The following RPRD2 variants were observed in gnomAD, a reference collection of about 807,000 sequenced individuals.
RPRD2 encodes regulation of nuclear pre-mRNA domain containing 2, also known as regulation of nuclear pre-mRNA domain-containing protein 2.
RPRD2 carries 12 observed loss-of-function variants against 104.4 expected under a neutral mutation model. The ratio of observed to expected loss-of-function variants is 0.11; its 90% CI spans 0.07 to 0.19. The LOEUF is 0.19. RPRD2 is among the 10% of genes least tolerant of loss of function. The pLI, the probability that RPRD2 is intolerant of heterozygous loss-of-function variation, is 1.00. For missense variants in RPRD2, 1,543 were observed against 1,790.1 expected, an observed-to-expected ratio of 0.86 and a Z score of 2.49; for synonymous variants, 714 against 684.9, an observed-to-expected ratio of 1.04 and a Z score of -0.66.
chr1:150,453,026 T>C (rs1387212613), intron 7 of RPRD2, among the ~76,000 whole-genome samples: 7 of 136,986 alleles, frequency 5.1e-5, no homozygotes, highest in Admixed American at 4.5e-4. Flanking sequence ...TTGTCTTCAA[T>C]ATATTTACTT....
chr1:150,389,006 C>T (rs1320539595), intron 1 of RPRD2, among the ~76,000 whole-genome samples: 1 of 151,902 alleles, frequency 6.6e-6, no homozygotes, highest in African/African-American at 2.4e-5. Flanking sequence ...TCTCTTTAGG[C>T]TCCTCTAGAT....
intron 1 of RPRD2, among the ~76,000 whole-genome samples, chr1:150,371,612 G>A (rs587726019): frequency 2.1e-4 from 32 of 152,176 alleles, no homozygotes; most frequent in Admixed American, 4.6e-4. Flanking sequence ...CTTGTGATCC[G>A]CCCGTCTTGG....
chr1:150,423,691 A>G (rs1296068106), intron 2 of RPRD2, among the ~76,000 whole-genome samples: 1 of 152,174 alleles, frequency 6.6e-6, no homozygotes, highest in African/African-American at 2.4e-5. Context: ...TTGAGCACCA[A>G]CATGATGCAC....
chr1:150,415,239 G>A (rs11588184), intron 1 of RPRD2, among the ~76,000 whole-genome samples: 33,631 of 151,882 alleles, frequency 0.22, 4,221 homozygotes, highest in African/African-American at 0.32. Flanking sequence ...GGCTAAGGCA[G>A]GAGAATAGCT....
Position 150,372,675 on chromosome 1 carries a change from G to A in RPRD2, c.205+7756G>A, listed in dbSNP as rs587661507. ...GTTTTACATTAAATGGTAAGGGAAG[G>A]CCTCACTGAGAAGGTGACATCTGAG... is the stretch of plus-strand genomic sequence containing the variant. On this transcript the variant is annotated intron_variant, in intron 1 of 10. Coordinates refer to ENST00000369068, the MANE Select transcript of RPRD2 (RefSeq NM_015203.5). Among the ~76,000 whole-genome samples, 9 of 152,236 alleles carry A rather than the reference G, an allele frequency of 5.9e-5. No individual in the cohort carries two copies. In the South Asian group the frequency reaches 1.7e-3, roughly 28 times the overall value.
rs1343068759 is a variant in RPRD2 at position 150,475,307 on chromosome 1, G to A, written c.*1973G>A. ...CAAAATTGAAATAGGTTTTTTTTTTGCAGAAATTAAATGGGATGTTTTTCA... is the reference window on the plus strand; with the variant it reads ...CAAAATTGAAATAGGTTTTTTTTTTACAGAAATTAAATGGGATGTTTTTCA... On this transcript the variant is annotated 3_prime_UTR_variant, in exon 11 of 11. Transcript: ENST00000369068. The A allele has an allele frequency of 6.6e-6, 1 of 150,444 alleles. No individual in the cohort carries two copies. The highest frequency in any genetic ancestry group is 1.5e-5 in the Non-Finnish European group (1 of 67,646). 9.3% of individuals were successfully genotyped at this position (150,444 alleles called of 1,614,324 possible).
intron 2 of RPRD2, among the ~76,000 whole-genome samples, chr1:150,421,626 C>G (rs1366274827): frequency 6.6e-6 from 1 of 152,010 alleles, no homozygotes; most frequent in East Asian, 1.9e-4. Flanking sequence ...AGAATATACT[C>G]TTGCTTATAA....
intron 9 of RPRD2, among the ~76,000 whole-genome samples, chr1:150,463,385 CA>C (rs1394160805): frequency 6.6e-5 from 10 of 151,948 alleles, no homozygotes; most frequent in Non-Finnish European, 1.3e-4. Context: ...AATTGATATC[CA>C]AAAAAGTGCT....
Position 150,471,886 on chromosome 1 carries a change from A to G in RPRD2, c.2938A>G (p.Thr980Ala). 6.2e-7 allele frequency: 1 copy of G among 1,613,688 alleles called. No homozygotes were observed. The change falls in exon 11 of 11, where the codon ACC becomes GCC. Residue 980 changes from threonine to alanine, a missense_variant. This residue lies in a region of RPRD2 where 880 missense variants were observed against 885.6 expected (regional missense o/e 0.99). Transcript: ENST00000369068. The surrounding 1 kb of genome is among the most constrained non-coding windows in gnomAD (Gnocchi z 5.3). The part of the protein sequence containing the change: ...PHRSLFSPQN[T>A]LAAPTGHPPT... ...TCGTTCCCTTTTCTCTCCGCAGAAC[A>G]CCCTTGCCGCTCCCACGGGTCACCC...
chr1:150,377,059 A>G (rs1553879715), intron 1 of RPRD2, among the ~76,000 whole-genome samples: 1 of 151,200 alleles, frequency 6.6e-6, no homozygotes, highest in Admixed American at 6.6e-5. Flanking sequence ...AAAAATACAA[A>G]AATTAGCTGA....
chr1:150,405,011 T>G (rs782274602), intron 1 of RPRD2, among the ~76,000 whole-genome samples: 4 of 152,232 alleles, frequency 2.6e-5, no homozygotes, highest in Non-Finnish European at 4.4e-5. Context: ...ATTTATTGAA[T>G]CTACCAATAT....
chr1:150,443,990 C>A (rs1666587436), intron 5 of RPRD2, among the ~76,000 whole-genome samples: 1 of 152,152 alleles, frequency 6.6e-6, no homozygotes, highest in South Asian at 2.1e-4. Flanking sequence ...TGCACTCCAA[C>A]CTGGGCGACA....
At chr1:150,399,562 G>A (rs1662809235) in intron 1 of RPRD2, among the ~76,000 whole-genome samples, 1 of 151,992 alleles carries the variant, frequency 6.6e-6, no homozygotes, top group Admixed American at 6.6e-5. Flanking sequence ...TTCGAGACCA[G>A]CCTGGCCAAC....
At chr1:150,368,332 G>A (rs12093560) in intron 1 of RPRD2, among the ~76,000 whole-genome samples, 50 of 147,424 alleles carry the variant, frequency 3.4e-4, no homozygotes, top group African/African-American at 1.1e-3. Context: ...TCGCTTTGTC[G>A]TCCAGTCTGG....
Position 150,472,747 on chromosome 1 carries a change from T to A in RPRD2, c.3799T>A (p.Phe1267Ile), listed in dbSNP as rs757489140. 29 of 1,612,632 alleles carry A rather than the reference T, an allele frequency of 1.8e-5. No homozygotes were observed. Among genetic ancestry groups the A allele is most frequent in the Non-Finnish European group, 2.4e-5 (28 of 1,178,898 alleles). The change falls in exon 11 of 11, where the codon TTC (phenylalanine) becomes ATC (isoleucine). Residue 1267 changes from phenylalanine to isoleucine, a missense_variant. Physicochemically the swap from Phe to Ile is conservative, Grantham distance 21 (BLOSUM62 0). This residue lies in a region of RPRD2 where 880 missense variants were observed against 885.6 expected (regional missense o/e 0.99). Transcript: ENST00000369068. ...PPPGEHSGIP[F>I]PTPPPPPPPG... ...TCCTGGAGAGCACAGTGGAATTCCT[T>A]TCCCTACCCCACCTCCTCCTCCCCC...
At chr1:150,415,597 G>A (rs905413493) in intron 1 of RPRD2, among the ~76,000 whole-genome samples, 17 of 152,074 alleles carry the variant, frequency 1.1e-4, no homozygotes, top group African/African-American at 4.1e-4. Context: ...GAGGTGGGAG[G>A]ATCACCTGAG....
chr1:150,434,396 G>A (rs782325894), intron 2 of RPRD2, among the ~76,000 whole-genome samples: 3 of 152,140 alleles, frequency 2.0e-5, no homozygotes, highest in Non-Finnish European at 4.4e-5. Context: ...TTTAAGAACA[G>A]TTAAAGCTGT....
Position 150,465,487 on chromosome 1 carries a change from C to CT in RPRD2, c.1612+761dup, listed in dbSNP as rs1277290615. The stretch of plus-strand genomic sequence containing the variant: ...TATAAAATGTGAAAGCTGAAAGAGA[C>CT]TAAGTATTATCTAGTCTAATCCCTT... On this transcript the variant is annotated intron_variant, in intron 10 of 10. Coordinates refer to ENST00000369068, the MANE Select transcript of RPRD2 (RefSeq NM_015203.5). 5.3e-5 allele frequency among the ~76,000 whole-genome samples: 8 copies of CT among 152,198 alleles called. 1 individual carries two copies. In the East Asian group the frequency reaches 1.5e-3, roughly 29 times the overall value.
chr1:150,449,451 C>T (rs1391879702), intron 7 of RPRD2, among the ~76,000 whole-genome samples: 1 of 151,940 alleles, frequency 6.6e-6, no homozygotes, highest in Non-Finnish European at 1.5e-5. Context: ...TTTGTTACTC[C>T]TTTTTTGCTT....
Sources: allele counts gnomAD v4.1 joint callset (sites outside exome capture counted in the v4.1 genomes callset), GRCh38; gene constraint gnomAD v4.1.1; regional missense constraint gnomAD v4.1.1; non-coding constraint Gnocchi (gnomAD v3.1); transcripts MANE v1.5; gene names NCBI Gene and HGNC (gene_info 2026-07-23, HGNC 2026-07-21).